Variants in DACH2 observed in about 807,000 individuals in gnomAD.
DACH2 encodes the protein dachshund family transcription factor 2.
A neutral mutation model predicts 35.8 loss-of-function variants in DACH2; 17 were observed. That is an observed-to-expected ratio of 0.48 (90% CI 0.33 to 0.71). DACH2 has a LOEUF of 0.71. DACH2 is among the 30% of genes least tolerant of loss of function. The probability of loss-of-function intolerance (pLI) is 0.02; values close to 1 mark genes in which losing one functional copy is unlikely to be tolerated. For synonymous variants in DACH2, 195 were observed against 177.3 expected, an observed-to-expected ratio of 1.10 and a Z score of -0.79; for missense variants, 469 against 472.7, an observed-to-expected ratio of 0.99 and a Z score of 0.07.
chrX:86,461,403 G>T (rs2037570527), intron 2 of DACH2, among the ~76,000 whole-genome samples: 1 of 111,033 alleles, frequency 9.0e-6, no homozygotes, highest in Non-Finnish European at 1.9e-5. Context: ...TGTATTGGGG[G>T]GTGGATTCTC....
intron 2 of DACH2, among the ~76,000 whole-genome samples, chrX:86,424,877 A>T (rs1219748472): frequency 2.7e-5 from 3 of 111,138 alleles, no homozygotes; most frequent in Admixed American, 1.9e-4. Context: ...CAGGGTTTTT[A>T]TCAGGAAAGA....
chrX:86,298,348 G>A (rs1367166260), intron 1 of DACH2, among the ~76,000 whole-genome samples: 2 of 111,599 alleles, frequency 1.8e-5, no homozygotes, highest in Non-Finnish European at 3.8e-5. Flanking sequence ...TATTTTATTT[G>A]CTTCCTCTTT....
chrX:86,446,311 T>C (rs1263841443), intron 2 of DACH2, among the ~76,000 whole-genome samples: 1 of 93,147 alleles, frequency 1.1e-5, no homozygotes, highest in Non-Finnish European at 2.1e-5. Flanking sequence ...TTTTTTATTA[T>C]ACTCTAAGTT....
At chrX:86,501,874 C>A (rs778005834) in intron 2 of DACH2, among the ~76,000 whole-genome samples, 2 of 111,179 alleles carry the variant, frequency 1.8e-5, no homozygotes, top group African/African-American at 3.3e-5. Context: ...CCAGTTAGAG[C>A]GGGGTTAATG....
At chrX:86,276,042 T>C (rs1339153209) in intron 1 of DACH2, among the ~76,000 whole-genome samples, 1 of 112,503 alleles carries the variant, frequency 8.9e-6, no homozygotes, top group South Asian at 3.7e-4. Flanking sequence ...CTCTTCGATA[T>C]ACTGAATTTC....
At chrX:86,747,557 CTA>C (rs1384859023) in intron 7 of DACH2, among the ~76,000 whole-genome samples, 7 of 111,975 alleles carry the variant, frequency 6.3e-5, no homozygotes, top group Non-Finnish European at 1.3e-4. Context: ...ATACTGTAGT[CTA>C]TTAAGTGTGT....
chrX:86,305,317 A>C (rs1344165113), intron 1 of DACH2, among the ~76,000 whole-genome samples: 1 of 112,003 alleles, frequency 8.9e-6, no homozygotes, highest in African/African-American at 3.2e-5. Context: ...ACAACATGTG[A>C]AATTTTCTCC....
At chrX:86,495,119 C>T (rs1031789962) in intron 2 of DACH2, among the ~76,000 whole-genome samples, 2 of 111,213 alleles carry the variant, frequency 1.8e-5, no homozygotes, top group African/African-American at 6.5e-5. Context: ...GCAATCTTGG[C>T]TCACTGCACC....
intron 1 of DACH2, among the ~76,000 whole-genome samples, chrX:86,220,581 A>G (rs1383172859): frequency 2.7e-5 from 3 of 112,200 alleles, no homozygotes; most frequent in South Asian, 3.7e-4. Context: ...ATACTCTTCT[A>G]TTGTATGTGT....
chrX:86,472,769 T>A (rs1257365857), intron 2 of DACH2, among the ~76,000 whole-genome samples: 2 of 111,802 alleles, frequency 1.8e-5, no homozygotes, highest in Non-Finnish European at 3.8e-5. Context: ...TTAATAGGGT[T>A]TATAAGTGGA....
intron 1 of DACH2, among the ~76,000 whole-genome samples, chrX:86,317,819 A>G (rs2034941637): frequency 1.8e-5 from 2 of 111,161 alleles, no homozygotes; most frequent in South Asian, 7.7e-4. Context: ...TGAGGTTCCA[A>G]GAGCGTGGGG....
chrX:86,634,004 C>T (rs1262470702), intron 3 of DACH2, among the ~76,000 whole-genome samples: 3 of 111,942 alleles, frequency 2.7e-5, no homozygotes, highest in Middle Eastern at 4.6e-3. Flanking sequence ...ACAGTTAACA[C>T]AGGCTGTACA....
intron 4 of DACH2, among the ~76,000 whole-genome samples, chrX:86,693,991 A>AT (rs918238486): frequency 9.7e-5 from 3 of 30,929 alleles, no homozygotes; most frequent in African/African-American, 5.9e-4. Context: ...ATTTTTCTAC[A>AT]TTAAAAAAAA....
intron 7 of DACH2, among the ~76,000 whole-genome samples, chrX:86,783,929 T>C (rs1272273118): frequency 9.0e-6 from 1 of 110,911 alleles, no homozygotes; most frequent in Non-Finnish European, 1.9e-5. Flanking sequence ...TACTATTTGA[T>C]AGCACAACAA....
intron 2 of DACH2, among the ~76,000 whole-genome samples, chrX:86,444,003 A>G (rs2037216083): frequency 9.0e-6 from 1 of 111,501 alleles, no homozygotes; most frequent in Non-Finnish European, 1.9e-5. Flanking sequence ...GGTAATGCTG[A>G]CCTTGTAGAG....
chrX:86,378,454 A>G (rs374652700), intron 2 of DACH2, among the ~76,000 whole-genome samples: 32 of 110,495 alleles, frequency 2.9e-4, no homozygotes, highest in East Asian at 2.9e-3. Flanking sequence ...GGGAGTATAT[A>G]TTCTTTTCCA....
chrX:86,442,507 C>T (rs2037185597), intron 2 of DACH2, among the ~76,000 whole-genome samples: 1 of 105,596 alleles, frequency 9.5e-6, no homozygotes, highest in African/African-American at 3.5e-5. Context: ...GTTGTCTTTT[C>T]ATTGTGGTGA....
chrX:86,286,541 C>T (rs1483755208), intron 1 of DACH2, among the ~76,000 whole-genome samples: 1 of 111,075 alleles, frequency 9.0e-6, no homozygotes, highest in Admixed American at 9.7e-5. Flanking sequence ...CATTTTTTCC[C>T]TTCCTGTGTT....
intron 7 of DACH2, among the ~76,000 whole-genome samples, chrX:86,803,247 CTA>C (rs2042311685): frequency 1.8e-5 from 2 of 111,650 alleles, no homozygotes; most frequent in Admixed American, 1.9e-4. Context: ...TTTTGGGAAA[CTA>C]TGTGTGTGGG....
Sources: allele counts gnomAD v4.1 joint callset (sites outside exome capture counted in the v4.1 genomes callset), GRCh38; gene constraint gnomAD v4.1.1; transcripts MANE v1.5; gene names NCBI Gene and HGNC (gene_info 2026-07-23, HGNC 2026-07-21).